The following ZNF100 variants were observed in gnomAD, a reference collection of about 807,000 sequenced individuals.
ZNF100 encodes the protein zinc finger protein 100 (Y1).
A neutral mutation model predicts 15.8 loss-of-function variants in ZNF100; 12 were observed. The ratio of observed to expected loss-of-function variants is 0.76; its 90% CI spans 0.49 to 1.23. The LOEUF (loss-of-function observed/expected upper bound fraction) is 1.23. Among genes scored for constraint, ZNF100 ranks in the 50% most tolerant of loss-of-function variants. The pLI, the probability that ZNF100 is intolerant of heterozygous loss-of-function variation, is 0.00. For synonymous variants in ZNF100, 226 were observed against 214.8 expected, an observed-to-expected ratio of 1.05 and a Z score of -0.45; for missense variants, 670 against 635.6, an observed-to-expected ratio of 1.05 and a Z score of -0.58.
chr19:21,726,589 G>T lies in ZNF100; in HGVS notation c.*94C>A. The T allele has an allele frequency of 9.0e-7, 1 of 1,116,588 alleles. No homozygotes were observed. The allele number at this position is 1,116,588 out of a possible 1,614,324, so 69.2% of individuals were successfully genotyped here. On this transcript the variant is annotated 3_prime_UTR_variant, in exon 5 of 5. Transcript: ENST00000358296. Reference sequence around the variant, plus strand: ...GAATTGAGAATTTATTAAAGGCTTTGCCATATTCTTCACAGTCACAGGAGT... The same window carrying T: ...GAATTGAGAATTTATTAAAGGCTTTTCCATATTCTTCACAGTCACAGGAGT...
At position 21,750,763 on chromosome 19, in the gene ZNF100, G is replaced by T. The variant is rs2036291705; in HGVS notation, c.97-5696C>A. 8.2e-6 allele frequency: 3 copies of T among 364,530 alleles called. No homozygotes were observed. In the South Asian group the frequency reaches 2.8e-4, roughly 34 times the overall value. 22.6% of individuals were successfully genotyped at this position (364,530 alleles called of 1,614,324 possible). ...CGGGTGCAGCCTGGGCTGCGCCATT[G>T]TTGGGGGAGGGGCGGCTGCTGAGGG... On this transcript the variant is annotated intron_variant, in intron 2 of 4. Coordinates refer to ENST00000358296, the MANE Select transcript of ZNF100 (RefSeq NM_173531.4).
At chr19:21,767,214 C>G (rs566761742) in intron 1 of ZNF100, among the ~76,000 whole-genome samples, 6 of 152,328 alleles carry the variant, frequency 3.9e-5, no homozygotes, top group South Asian at 2.1e-4. Context: ...CAGGCCAAGG[C>G]ACAGTCACTA....
At chr19:21,763,952 C>A (rs1241839732) in intron 2 of ZNF100, among the ~76,000 whole-genome samples, 1 of 152,142 alleles carries the variant, frequency 6.6e-6, no homozygotes, top group African/African-American at 2.4e-5. Flanking sequence ...ATTACAAAGT[C>A]TAGAAACTGC....
chr19:21,727,540 C>G lies in ZNF100; in HGVS notation c.772G>C (p.Glu258Gln), dbSNP rs751092854. ...CATTCTTCACATTTGTAGGGTTTCT[C>G]TCCAGTATGAATTCTCCTGTGTGTA... is the stretch of plus-strand genomic sequence containing the variant. The part of the protein sequence containing the change: ...LTTHRRIHTG[E>Q]KPYKCEECGK... Residue 258 changes from glutamate (E) to glutamine (Q), a missense_variant, in exon 5 of 5, where the codon GAG (glutamate) becomes CAG (glutamine). Physicochemically the swap from Glu to Gln is conservative, Grantham distance 29. Transcript: ENST00000358296. 5.0e-6 allele frequency: 8 copies of G among 1,613,762 alleles called. No individual in the cohort carries two copies. Among genetic ancestry groups the G allele is most frequent in the Non-Finnish European group, 5.9e-6 (7 of 1,179,882 alleles).
At chr19:21,735,349 C>T (rs2035989400) in intron 4 of ZNF100, among the ~76,000 whole-genome samples, 1 of 151,978 alleles carries the variant, frequency 6.6e-6, no homozygotes, top group African/African-American at 2.4e-5. Flanking sequence ...AAAAAATTAG[C>T]AGGGCGTGGT....
chr19:21,751,527 C>A, intron 2 of ZNF100: 1 of 1,151,302 alleles, frequency 8.7e-7, no homozygotes, highest in Non-Finnish European at 1.3e-6. Context: ...GACATTTGCC[C>A]CACTAACTAG....
At chr19:21,765,178 C>T (rs969759213) in intron 2 of ZNF100, among the ~76,000 whole-genome samples, 1 of 152,170 alleles carries the variant, frequency 6.6e-6, no homozygotes, top group African/African-American at 2.4e-5. Context: ...TCAAGCCCTA[C>T]TAATATAATG....
At chr19:21,733,473 CAAAAT>C (rs1032967994) in intron 4 of ZNF100, among the ~76,000 whole-genome samples, 1 of 151,320 alleles carries the variant, frequency 6.6e-6, no homozygotes, top group Non-Finnish European at 1.5e-5. Flanking sequence ...GTATGCAAAA[CAAAAT>C]AAAAAATAAT....
At chr19:21,731,595 C>T (rs1284895776) in intron 4 of ZNF100, among the ~76,000 whole-genome samples, 2 of 152,158 alleles carry the variant, frequency 1.3e-5, no homozygotes, top group African/African-American at 4.8e-5. Context: ...GCATGAGCCA[C>T]CGTGCCCGGC....
intron 4 of ZNF100, among the ~76,000 whole-genome samples, chr19:21,736,926 C>T (rs2036017033): frequency 6.6e-6 from 1 of 151,688 alleles, no homozygotes; most frequent in South Asian, 2.1e-4. Flanking sequence ...CACTAAATAC[C>T]CACATCAAAA....
chr19:21,757,981 G>A lies in ZNF100; in HGVS notation c.96+7713C>T, dbSNP rs553608258. Among the ~76,000 whole-genome samples the A allele has an allele frequency of 2.6e-5, 4 of 152,192 alleles. No individual in the cohort carries two copies. The South Asian group carries it at 8.3e-4, about 32-fold the overall frequency. On this transcript the variant is annotated intron_variant, in intron 2 of 4. Transcript: ENST00000358296. ...GAGCCTTGGAGGTTGAGGCTGAAGT[G>A]AGCCACAACTGTACTGCACTTCAGC...
chr19:21,731,980 C>T (rs1270595505), intron 4 of ZNF100, among the ~76,000 whole-genome samples: 1 of 152,114 alleles, frequency 6.6e-6, no homozygotes, highest in African/African-American at 2.4e-5. Flanking sequence ...GGGCCTGGTG[C>T]CGGGACTCAC....
chr19:21,728,131 T>TAA lies in ZNF100; in HGVS notation c.323-144_323-143dup, dbSNP rs34212229. The TAA allele has an allele frequency of 4.2e-3, 2,637 of 634,554 alleles. 11 individuals carry two copies. The highest frequency in any genetic ancestry group is 0.023 in the African/African-American group (1,132 of 49,264). 39.3% of individuals were successfully genotyped at this position (634,554 alleles called of 1,614,324 possible). A position where few individuals can be genotyped will look rare whatever the true frequency, so the allele number is the denominator to read the frequency against. On this transcript the variant is annotated intron_variant, in intron 4 of 4. Transcript: ENST00000358296. ...TCATTCCTTTATAGACATATAAATG[T>TAA]AAAAAAAAAAAAACCAACCAAATTA...
chr19:21,754,318 ATG>A (rs775268412), intron 2 of ZNF100, among the ~76,000 whole-genome samples: 32 of 152,294 alleles, frequency 2.1e-4, no homozygotes, highest in East Asian at 1.9e-4. Flanking sequence ...TTTAAAAAGA[ATG>A]TTACAATTTA....
At chr19:21,750,370 C>T (rs1029441955) in intron 2 of ZNF100, among the ~76,000 whole-genome samples, 14 of 152,070 alleles carry the variant, frequency 9.2e-5, no homozygotes, top group African/African-American at 2.7e-4. Flanking sequence ...CATTCTGATA[C>T]CAAAACTGGG....
chr19:21,757,526 T>G (rs1051327461), intron 2 of ZNF100, among the ~76,000 whole-genome samples: 2 of 152,204 alleles, frequency 1.3e-5, no homozygotes, highest in African/African-American at 2.4e-5. Flanking sequence ...TGTAAATTAG[T>G]TCAACCATTG....
Position 21,763,981 on chromosome 19 carries a change from T to C in ZNF100, c.96+1713A>G, listed in dbSNP as rs1280277406. 2.0e-5 allele frequency among the ~76,000 whole-genome samples: 3 copies of C among 152,274 alleles called. No individual in the cohort carries two copies. In the East Asian group the frequency reaches 5.8e-4, roughly 29 times the overall value. ...AAACTGCCTTAAAACAATAACAACT[T>C]CATCATCAGCAAGACCCTCCCAATC... On this transcript the variant is annotated intron_variant, in intron 2 of 4. Coordinates refer to ENST00000358296, the MANE Select transcript of ZNF100 (RefSeq NM_173531.4).
intron 3 of ZNF100, 64 bp from the exon 4 acceptor site, chr19:21,744,179 C>T (rs2036171267): frequency 7.3e-7 from 1 of 1,364,518 alleles, no homozygotes. Flanking sequence ...TAGTACTATG[C>T]TTAGTAAAGA....
intron 4 of ZNF100, among the ~76,000 whole-genome samples, chr19:21,732,402 G>C (rs539563770): frequency 2.1e-4 from 32 of 152,144 alleles, no homozygotes; most frequent in African/African-American, 7.5e-4. Context: ...AAATATACAA[G>C]TCATAAAATA....
Sources: allele counts gnomAD v4.1 joint callset (sites outside exome capture counted in the v4.1 genomes callset), GRCh38; gene constraint gnomAD v4.1.1; transcripts MANE v1.5; gene names NCBI Gene and HGNC (gene_info 2026-07-23, HGNC 2026-07-21).